GRID1: variants seen among roughly 807,000 people sequenced by gnomAD.
GRID1 encodes the protein glutamate ionotropic receptor delta type subunit 1.
A neutral mutation model predicts 98.0 loss-of-function variants in GRID1; 28 were observed. That is an observed-to-expected ratio of 0.29 (90% CI 0.21 to 0.39). The LOEUF (loss-of-function observed/expected upper bound fraction) is 0.39. Ranked by LOEUF, GRID1 falls within the 10% of genes least tolerant of loss-of-function variation. GRID1 has a pLI of 1.00. For missense variants in GRID1, 1,111 were observed against 1,340.5 expected, an observed-to-expected ratio of 0.83 and a Z score of 2.67; for synonymous variants, 553 against 538.5, an observed-to-expected ratio of 1.03 and a Z score of -0.37.
At chr10:86,007,615 T>A (rs1405857949) in intron 4 of GRID1, among the ~76,000 whole-genome samples, 1 of 152,172 alleles carries the variant, frequency 6.6e-6, no homozygotes, top group African/African-American at 2.4e-5. Context: ...TTTTAATAAC[T>A]AGAAAAGTCA....
At chr10:85,836,442 A>G (rs75066303) in intron 8 of GRID1, among the ~76,000 whole-genome samples, 5,022 of 152,242 alleles carry the variant, frequency 0.033, 125 homozygotes, top group Non-Finnish European at 0.047. Flanking sequence ...CCTGGGATTC[A>G]TTTTTGACCT....
chr10:86,233,726 C>T (rs1846492342), intron 2 of GRID1, among the ~76,000 whole-genome samples: 1 of 152,222 alleles, frequency 6.6e-6, no homozygotes, highest in South Asian at 2.1e-4. Flanking sequence ...CTCTAACCTG[C>T]TTCCCTCCAT....
intron 13 of GRID1, among the ~76,000 whole-genome samples, chr10:85,637,100 C>A (rs1425018673): frequency 6.6e-6 from 1 of 151,936 alleles, no homozygotes; most frequent in Non-Finnish European, 1.5e-5. Flanking sequence ...TCAGAAAAAT[C>A]TTTTTTATAA....
At chr10:85,777,002 T>A (rs772504115) in intron 8 of GRID1, among the ~76,000 whole-genome samples, 7 of 152,184 alleles carry the variant, frequency 4.6e-5, no homozygotes, top group Non-Finnish European at 1.5e-5. Flanking sequence ...GAAATCATTA[T>A]CTGGATAAAA....
chr10:86,086,518 C>T (rs999574458), intron 4 of GRID1, among the ~76,000 whole-genome samples: 1 of 152,164 alleles, frequency 6.6e-6, no homozygotes, highest in East Asian at 1.9e-4. Context: ...AGATAGTCAG[C>T]GACAGGGCTG....
chr10:86,129,932 G>T (rs943447028), intron 4 of GRID1, among the ~76,000 whole-genome samples: 1 of 152,206 alleles, frequency 6.6e-6, no homozygotes, highest in African/African-American at 2.4e-5. Context: ...AATGCACCAG[G>T]TCTGAGCTCA....
intron 3 of GRID1, among the ~76,000 whole-genome samples, chr10:86,180,870 A>C (rs776722796): frequency 1.3e-5 from 2 of 152,222 alleles, no homozygotes; most frequent in Non-Finnish European, 2.9e-5. Context: ...GACCAGTGCC[A>C]GACCAGAGAG....
chr10:85,782,838 T>C (rs1842392996), intron 8 of GRID1, among the ~76,000 whole-genome samples: 1 of 152,202 alleles, frequency 6.6e-6, no homozygotes, highest in Non-Finnish European at 1.5e-5. Context: ...TTAGTGTACG[T>C]GCACGTCTAA....
At position 86,228,828 on chromosome 10, in the gene GRID1, C is replaced by T. The variant is rs561141923; in HGVS notation, c.236-22180G>A. Among the ~76,000 whole-genome samples, 3 of 152,260 alleles carry T rather than the reference C, an allele frequency of 2.0e-5. No homozygotes were observed. In the South Asian group the frequency reaches 6.2e-4, roughly 32 times the overall value. On this transcript the variant is annotated intron_variant, in intron 2 of 15. Coordinates refer to ENST00000327946, the MANE Select transcript of GRID1 (RefSeq NM_017551.3). ...CCACTCTTTTATACTCACTTGGCAACCAGTTCATTGCTCTAAAGAGCTGGG... is the reference window on the plus strand; with the variant it reads ...CCACTCTTTTATACTCACTTGGCAATCAGTTCATTGCTCTAAAGAGCTGGG...
intron 4 of GRID1, among the ~76,000 whole-genome samples, chr10:86,085,246 G>A (rs1330196298): frequency 1.3e-5 from 2 of 152,146 alleles, no homozygotes; most frequent in South Asian, 2.1e-4. Flanking sequence ...TTGGGTCCTC[G>A]GCTTGTTTCC....
At chr10:86,039,358 T>C (rs1022840342) in intron 4 of GRID1, among the ~76,000 whole-genome samples, 6 of 152,214 alleles carry the variant, frequency 3.9e-5, no homozygotes, top group Admixed American at 3.3e-4. Flanking sequence ...GAACAGCTCC[T>C]CTTCACCCTT....
At chr10:85,752,686 A>G (rs1053596065) in intron 8 of GRID1, among the ~76,000 whole-genome samples, 1 of 152,216 alleles carries the variant, frequency 6.6e-6, no homozygotes, top group African/African-American at 2.4e-5. Context: ...ATACCAGAAT[A>G]TACTGTTATT....
At chr10:86,249,554 C>T (rs981856818) in intron 2 of GRID1, among the ~76,000 whole-genome samples, 1 of 152,178 alleles carries the variant, frequency 6.6e-6, no homozygotes, top group African/African-American at 2.4e-5. Flanking sequence ...CCTCTCCTAC[C>T]ACACTCCACC....
intron 8 of GRID1, among the ~76,000 whole-genome samples, chr10:85,834,443 C>A (rs1842895484): frequency 6.6e-6 from 1 of 152,064 alleles, no homozygotes; most frequent in African/African-American, 2.4e-5. Flanking sequence ...GAAGACCAAT[C>A]CTTCGAGACT....
chr10:86,262,937 T>G (rs1369974365), intron 2 of GRID1, among the ~76,000 whole-genome samples: 1 of 60,138 alleles, frequency 1.7e-5, no homozygotes, highest in African/African-American at 6.4e-5. Flanking sequence ...TCGCCCGCCC[T>G]CCCTCCCCCG....
intron 8 of GRID1, among the ~76,000 whole-genome samples, chr10:85,831,965 A>G (rs1842870993): frequency 6.6e-6 from 1 of 152,092 alleles, no homozygotes; most frequent in African/African-American, 2.4e-5. Context: ...ATTAATAAAA[A>G]TTTTAAACAA....
At chr10:85,818,828 G>A (rs573048313) in intron 8 of GRID1, among the ~76,000 whole-genome samples, 2 of 151,876 alleles carry the variant, frequency 1.3e-5, no homozygotes, top group African/African-American at 4.8e-5. Flanking sequence ...AGCGAGTCTC[G>A]TGCCTCAGCC....
rs1414236563 is a variant in GRID1 at position 86,192,929 on chromosome 10, C to T, written c.520+13435G>A. Among the ~76,000 whole-genome samples the T allele has an allele frequency of 6.6e-6, 1 of 152,006 alleles. No individual in the cohort carries two copies. Among genetic ancestry groups the T allele is most frequent in the African/African-American group, 2.4e-5 (1 of 41,422 alleles). ...AAGGCTCCACTGTGTGTGGGTCCCTCTGCAAACAGAATGTGTGAGAGGCCA... is the reference window on the plus strand; with the variant it reads ...AAGGCTCCACTGTGTGTGGGTCCCTTTGCAAACAGAATGTGTGAGAGGCCA... On this transcript the variant is annotated intron_variant, in intron 3 of 15. Coordinates refer to ENST00000327946, the MANE Select transcript of GRID1 (RefSeq NM_017551.3). This position sits in a 1 kb window ranked among gnomAD's most constrained non-coding sequence, Gnocchi z 4.8.
chr10:85,877,491 C>A (rs572876213), intron 5 of GRID1, among the ~76,000 whole-genome samples: 35 of 152,316 alleles, frequency 2.3e-4, no homozygotes, highest in African/African-American at 8.2e-4. Flanking sequence ...GCCACCGCTG[C>A]TGACACCCAG....
Sources: gnomAD v4.1 joint callset for allele counts (sites outside exome capture counted in the v4.1 genomes callset) on GRCh38, gnomAD v4.1.1 for gene constraint, Gnocchi (gnomAD v3.1) non-coding constraint, MANE v1.5 for transcripts, NCBI Gene and HGNC (gene_info 2026-07-23, HGNC 2026-07-21) for gene names.